STRADA: variants seen among roughly 807,000 people sequenced by gnomAD.
STRADA encodes the protein STE20-related kinase adapter protein alpha.
In STRADA, 26 loss-of-function variants were observed where a neutral mutation model predicts 55.0. The ratio of observed to expected loss-of-function variants is 0.47; its 90% confidence interval spans 0.35 to 0.66. STRADA has a LOEUF of 0.66. Ranked by LOEUF, STRADA falls within the 30% of genes least tolerant of loss-of-function variation. The pLI is 0.01. For synonymous variants in STRADA, 197 were observed against 210.9 expected (o/e 0.93, Z 0.57); for missense variants, 443 against 549.7 (o/e 0.81, Z 1.94).
intron 6 of STRADA, among the ~76,000 whole-genome samples, chr17:63,712,696 A>G (rs549758155): frequency 4.2e-4 from 64 of 151,902 alleles, no homozygotes; most frequent in Non-Finnish European, 6.2e-4. Flanking sequence ...CAATAAAATG[A>G]GACCCTGTCT....
In STRADA at chr17:63,728,360, G is replaced by A; in HGVS notation, c.10C>T (p.Leu4Phe). 6.2e-7 allele frequency: 1 copy of A among 1,613,144 alleles called. No homozygotes were observed. The highest frequency in any genetic ancestry group is 8.5e-7 in the Non-Finnish European group (1 of 1,179,688). MSF[L>F]VSKPERIRRW... ...CTGATTCGCTCTGGTTTACTTACAA[G>A]AAATGACATGAGTTCCTACTGTGTA... Residue 4 changes from leucine (L) to phenylalanine (F), a missense_variant, in exon 2 of 13, where the codon CTT becomes TTT. Transcript: ENST00000336174.
chr17:63,740,047 G>A (rs1318738386), intron 1 of STRADA, among the ~76,000 whole-genome samples: 1 of 138,444 alleles, frequency 7.2e-6, no homozygotes, highest in East Asian at 2.1e-4. Flanking sequence ...GGATTACAGA[G>A]GTGGGCCACG....
intron 1 of STRADA, among the ~76,000 whole-genome samples, chr17:63,740,811 C>G (rs2038887080): frequency 1.3e-5 from 2 of 152,294 alleles, no homozygotes; most frequent in South Asian, 4.1e-4. Context: ...CAAAACACCT[C>G]TAAGAAATCT....
At chr17:63,728,265 C>T in intron 2 of STRADA, 69 bp downstream of exon 2, 1 of 1,534,904 alleles carries the variant, frequency 6.5e-7, no homozygotes, top group Non-Finnish European at 9.0e-7. Flanking sequence ...CCACCTACAA[C>T]ATCTGCCAAA....
rs374076016 is a variant in STRADA at position 63,704,599 on chromosome 17, C to G, written c.859-17G>C. The G allele has an allele frequency of 1.5e-6, 2 of 1,350,628 alleles. No individual in the cohort carries two copies. Among genetic ancestry groups the G allele is most frequent in the African/African-American group, 3.8e-5 (2 of 53,032 alleles). The allele number at this position is 1,350,628 out of a possible 1,614,324, so 83.7% of individuals were successfully genotyped here. ...TAGCAGCATCTGGGGAGGACAGAAC[C>G]AGGACCTGGGCTGTAGCGGGTGGGG... On this transcript the variant is annotated splice_polypyrimidine_tract_variant and intron_variant, in intron 10 of 12. Transcript: ENST00000336174.
chr17:63,730,762 T>C (rs1009746343), intron 1 of STRADA, among the ~76,000 whole-genome samples: 12 of 152,082 alleles, frequency 7.9e-5, no homozygotes, highest in African/African-American at 2.9e-4. Context: ...GGTTTCACTA[T>C]GTTGGCCAGG....
At chr17:63,733,931 C>T (rs2144265693) in intron 1 of STRADA, among the ~76,000 whole-genome samples, 1 of 152,298 alleles carries the variant, frequency 6.6e-6, no homozygotes, top group East Asian at 1.9e-4. Flanking sequence ...CCTGGTTTCC[C>T]CCAGACTTCA....
At chr17:63,709,124 T>C (rs2036316221) in intron 8 of STRADA, among the ~76,000 whole-genome samples, 1 of 152,214 alleles carries the variant, frequency 6.6e-6, no homozygotes. Context: ...CATCCAAACA[T>C]GTCCCCTGAT....
chr17:63,727,100 T>C (rs2037713466), intron 2 of STRADA: 1 of 184,558 alleles, frequency 5.4e-6, no homozygotes, highest in Non-Finnish European at 1.1e-5. Context: ...CACAAGACCC[T>C]GTTAGTTTGT....
At position 63,710,756 on chromosome 17, in the gene STRADA, C is replaced by T. The variant is rs2143852272; in HGVS notation, c.429G>A (p.Leu143=). Residue 143 remains leucine (L), a synonymous_variant, in exon 7 of 13, where the codon CTG becomes CTA. Coordinates refer to ENST00000336174, the MANE Select transcript of STRADA (RefSeq NM_001003787.4). ...ATGCCATGAATGATGTGACAACCCA[C>T]AGCTCATTGTCTGCAATAAAAGTGG... is the stretch of plus-strand genomic sequence containing the variant. ...YRATFIADNE[L]WVVTSFMAYG... is the part of the protein sequence containing the mutation. 1 of 1,614,224 alleles carries T rather than the reference C, an allele frequency of 6.2e-7. No homozygotes were observed. Among genetic ancestry groups the T allele is most frequent in the East Asian group, 2.2e-5 (1 of 44,894 alleles).
chr17:63,720,087 T>A (rs2037189587), intron 4 of STRADA, among the ~76,000 whole-genome samples: 2 of 151,528 alleles, frequency 1.3e-5, no homozygotes, highest in South Asian at 4.2e-4. Flanking sequence ...AGTGGCATGA[T>A]CATAGTTCAC....
chr17:63,727,831 A>G (rs2037758665), intron 2 of STRADA: 1 of 152,358 alleles, frequency 6.6e-6, no homozygotes, highest in East Asian at 1.9e-4. Context: ...CTCATGAAAT[A>G]ATGGGAATTT....
intron 1 of STRADA, among the ~76,000 whole-genome samples, chr17:63,738,834 A>AAATAATAATAATAATAAT (rs372982779): frequency 1.4e-4 from 20 of 146,240 alleles, no homozygotes; most frequent in African/African-American, 3.6e-4. Flanking sequence ...CTCCATCTCA[A>AAATAATAATAATAATAAT]AATAATAATA....
intron 1 of STRADA, among the ~76,000 whole-genome samples, chr17:63,729,700 A>C (rs2144186225): frequency 6.6e-6 from 1 of 151,992 alleles, no homozygotes; most frequent in Middle Eastern, 3.4e-3. Flanking sequence ...GAGAAAGAAG[A>C]ATTGCTTGAA....
chr17:63,738,664 C>A (rs943879017), intron 1 of STRADA, among the ~76,000 whole-genome samples: 1 of 151,144 alleles, frequency 6.6e-6, no homozygotes, highest in African/African-American at 2.4e-5. Flanking sequence ...TCCACACTGC[C>A]CCAGGCAATA....
Position 63,703,991 on chromosome 17 carries a change from AG to A in STRADA, c.1143+13del. 7.0e-7 allele frequency: 1 copy of A among 1,436,596 alleles called. No homozygotes were observed. Among genetic ancestry groups the A allele is most frequent in the African/African-American group, 1.4e-5 (1 of 69,418 alleles). The allele number at this position is 1,436,596 out of a possible 1,614,324, so 89.0% of individuals were successfully genotyped here. A position where few individuals can be genotyped will look rare whatever the true frequency, so the allele number is the denominator to read the frequency against. The stretch of plus-strand genomic sequence containing the variant: ...AGAACTAGAACCAGAACCAGAACGA[AG>A]GGGCTACGATACCTGCTTGAAGAAA... On this transcript the variant is annotated intron_variant, in intron 12 of 12. Coordinates refer to ENST00000336174, the MANE Select transcript of STRADA (RefSeq NM_001003787.4).
chr17:63,719,029 C>A (rs2037101063), intron 4 of STRADA: 1 of 152,206 alleles, frequency 6.6e-6, no homozygotes, highest in Admixed American at 6.5e-5. Context: ...GCCTGGAACA[C>A]CGCTGGCAAA....
chr17:63,724,986 A>G (rs1362862899), intron 3 of STRADA, among the ~76,000 whole-genome samples: 1 of 152,116 alleles, frequency 6.6e-6, no homozygotes, highest in Non-Finnish European at 1.5e-5. Flanking sequence ...AACAAGTTTG[A>G]GTTTTCAATT....
intron 6 of STRADA, among the ~76,000 whole-genome samples, chr17:63,712,081 G>GA (rs1382948698): frequency 2.0e-5 from 3 of 152,070 alleles, no homozygotes; most frequent in Non-Finnish European, 4.4e-5. Flanking sequence ...CACCAATTCA[G>GA]AAAAAGTTGT....
Sources: gnomAD v4.1 joint callset for allele counts (sites outside exome capture counted in the v4.1 genomes callset) on GRCh38, gnomAD v4.1.1 for gene constraint, MANE v1.5 for transcripts, NCBI Gene and HGNC (gene_info 2026-07-23, HGNC 2026-07-21) for gene names.